Variants in PPARGC1A observed in about 807,000 individuals in gnomAD.
PPARGC1A encodes peroxisome proliferator-activated receptor gamma coactivator 1-alpha.
A neutral mutation model predicts 88.7 loss-of-function variants in PPARGC1A; 25 were observed. The observed-to-expected ratio is 0.28, with a 90% CI of 0.21 to 0.39. The LOEUF (loss-of-function observed/expected upper bound fraction) is 0.39, where lower values mean the gene tolerates loss of function less well. PPARGC1A is among the 10% of genes least tolerant of loss of function. PPARGC1A has a pLI of 1.00. For synonymous variants in PPARGC1A, 363 were observed against 355.6 expected, an observed-to-expected ratio of 1.02 and a Z score of -0.24; for missense variants, 880 against 968.7, an observed-to-expected ratio of 0.91 and a Z score of 1.22.
At chr4:24,472,022 A>C in the PPARGC1A span, among the ~76,000 whole-genome samples, 31 of 152,052 alleles carry the variant, frequency 2.0e-4, no homozygotes, top group Non-Finnish European at 3.4e-4. This position sits in a 1 kb window ranked among gnomAD's most constrained non-coding sequence, Gnocchi z 4.5. Context: ...GCCCGCGGCG[A>C]CTTGGGGAAG....
rs774913108 is a variant in PPARGC1A at position 23,829,602 on chromosome 4, G to A, written c.430-17C>T. On this transcript the variant is annotated splice_polypyrimidine_tract_variant and intron_variant, in intron 3 of 12. Coordinates refer to ENST00000264867, the MANE Select transcript of PPARGC1A (RefSeq NM_013261.5). ...CTTCTTAAGCTAGAAACATTATCAG[G>A]GAAAGGGAAAAGCAAGTAAAGTTAT... 2.5e-6 allele frequency: 4 copies of A among 1,604,116 alleles called. No individual in the cohort carries two copies. The highest frequency in any genetic ancestry group is 1.1e-5 in the South Asian group (1 of 88,948).
At chr4:23,839,882 G>A (rs2148600104) in intron 2 of PPARGC1A, among the ~76,000 whole-genome samples, 1 of 152,098 alleles carries the variant, frequency 6.6e-6, no homozygotes, top group Admixed American at 6.6e-5. Context: ...CACGACAACA[G>A]CACAGGAAAG....
the PPARGC1A span, among the ~76,000 whole-genome samples, chr4:24,097,092 T>G: frequency 1.3e-5 from 2 of 152,110 alleles, no homozygotes; most frequent in Admixed American, 6.5e-5. Context: ...AGACCCTGTC[T>G]CAACAATGGG....
At chr4:24,452,927 C>G in the PPARGC1A span, among the ~76,000 whole-genome samples, 30,043 of 152,118 alleles carry the variant, frequency 0.2, 3,975 homozygotes, top group African/African-American at 0.37. Context: ...CCTCCTACCC[C>G]CTAAGGAAAT....
chr4:23,846,669 A>G (rs1258052408), intron 2 of PPARGC1A, among the ~76,000 whole-genome samples: 1 of 152,110 alleles, frequency 6.6e-6, no homozygotes, highest in Admixed American at 6.6e-5. Flanking sequence ...AGCACCTAGC[A>G]TGTGTCGGAC....
chr4:24,052,457 T>G, the PPARGC1A span, among the ~76,000 whole-genome samples: 2 of 151,880 alleles, frequency 1.3e-5, no homozygotes, highest in African/African-American at 2.4e-5. Context: ...GCCAACATGG[T>G]GAATGCCCGT....
At chr4:23,995,718 T>A in the PPARGC1A span, among the ~76,000 whole-genome samples, 1 of 151,930 alleles carries the variant, frequency 6.6e-6, no homozygotes, top group African/African-American at 2.4e-5. Context: ...AAGTCTTCGA[T>A]GACCTCCCAG....
chr4:23,947,763 G>A, the PPARGC1A span, among the ~76,000 whole-genome samples: 1 of 152,070 alleles, frequency 6.6e-6, no homozygotes, highest in African/African-American at 2.4e-5. Context: ...TTGCACCCTA[G>A]GCATGTGGCC....
At chr4:23,804,844 C>A (rs1014134623) in intron 10 of PPARGC1A, among the ~76,000 whole-genome samples, 1 of 152,194 alleles carries the variant, frequency 6.6e-6, no homozygotes, top group Non-Finnish European at 1.5e-5. Flanking sequence ...CTGTCTACAA[C>A]AACCTTAAGC....
chr4:24,351,479 C>T, the PPARGC1A span, among the ~76,000 whole-genome samples: 56,199 of 151,418 alleles, frequency 0.37, 10,694 homozygotes, highest in Non-Finnish European at 0.4. Flanking sequence ...TCAAAATTTC[C>T]GAGCAGAAGA....
intron 2 of PPARGC1A, among the ~76,000 whole-genome samples, chr4:23,848,022 T>C (rs1477464022): frequency 6.6e-6 from 1 of 152,192 alleles, no homozygotes; most frequent in Non-Finnish European, 1.5e-5. Flanking sequence ...TTTGTGGCCC[T>C]GCTTTCAAAT....
At chr4:24,044,896 T>G in the PPARGC1A span, among the ~76,000 whole-genome samples, 1 of 152,160 alleles carries the variant, frequency 6.6e-6, no homozygotes, top group South Asian at 2.1e-4. Context: ...ACTCCTTATT[T>G]GCACTTGTCT....
chr4:24,166,056 A>G, the PPARGC1A span, among the ~76,000 whole-genome samples: 1 of 152,222 alleles, frequency 6.6e-6, no homozygotes, highest in African/African-American at 2.4e-5. Flanking sequence ...GAGGAAATTA[A>G]AAGTGCTACT....
the PPARGC1A span, among the ~76,000 whole-genome samples, chr4:24,168,132 A>G: frequency 6.6e-6 from 1 of 152,258 alleles, no homozygotes. Context: ...ACAGTATAGT[A>G]TAAAAATAAC....
chr4:24,001,964 C>T, the PPARGC1A span, among the ~76,000 whole-genome samples: 2 of 151,772 alleles, frequency 1.3e-5, no homozygotes, highest in African/African-American at 4.8e-5. Context: ...AAAAACATAC[C>T]AAGAAATGGG....
At chr4:24,150,261 A>G in the PPARGC1A span, among the ~76,000 whole-genome samples, 1 of 152,160 alleles carries the variant, frequency 6.6e-6, no homozygotes, top group African/African-American at 2.4e-5. Flanking sequence ...GTAGAGACCA[A>G]CTCACTGTGG....
the PPARGC1A span, among the ~76,000 whole-genome samples, chr4:24,234,693 A>C: frequency 6.6e-6 from 1 of 152,242 alleles, no homozygotes; most frequent in Admixed American, 6.5e-5. Flanking sequence ...GTGCTAATTC[A>C]AAGGATCCAC....
chr4:24,029,051 C>T, the PPARGC1A span, among the ~76,000 whole-genome samples: 130 of 152,256 alleles, frequency 8.5e-4, no homozygotes, highest in African/African-American at 3.1e-3. Flanking sequence ...TATACATAAC[C>T]TCAACCAATG....
the PPARGC1A span, among the ~76,000 whole-genome samples, chr4:24,197,831 C>T: frequency 0.058 from 8,828 of 152,266 alleles, 325 homozygotes; most frequent in South Asian, 0.11. Context: ...AATTAGCTAA[C>T]ATCCCTTTTA....
Sources: allele counts gnomAD v4.1 joint callset (sites outside exome capture counted in the v4.1 genomes callset), GRCh38; gene constraint gnomAD v4.1.1; non-coding constraint Gnocchi (gnomAD v3.1); transcripts MANE v1.5; gene names NCBI Gene and HGNC (gene_info 2026-07-23, HGNC 2026-07-21).